The following CDC73 variants were observed in gnomAD, a reference collection of about 807,000 sequenced individuals.
The protein encoded by CDC73 is parafibromin.
In CDC73, 21 loss-of-function variants were observed where a neutral mutation model predicts 83.7. The ratio of observed to expected loss-of-function variants is 0.25; its 90% confidence interval spans 0.18 to 0.36. The LOEUF (loss-of-function observed/expected upper bound fraction) is 0.36. Ranked by LOEUF, CDC73 falls within the 10% of genes least tolerant of loss-of-function variation. The probability of loss-of-function intolerance (pLI) is 1.00; values close to 1 mark genes in which losing one functional copy is unlikely to be tolerated. For missense variants in CDC73, 342 were observed against 653.3 expected, an observed-to-expected ratio of 0.52 and a Z score of 5.19; for synonymous variants, 224 against 212.9, an observed-to-expected ratio of 1.05 and a Z score of -0.45.
chr1:193,215,530 T>C (rs1196706725), intron 13 of CDC73, among the ~76,000 whole-genome samples: 1 of 151,980 alleles, frequency 6.6e-6, no homozygotes, highest in African/African-American at 2.4e-5. Flanking sequence ...TTTATACAGT[T>C]ACATAGAAAT....
chr1:193,138,534 A>C (rs1675843441), intron 6 of CDC73, among the ~76,000 whole-genome samples: 1 of 152,176 alleles, frequency 6.6e-6, no homozygotes, highest in Admixed American at 6.5e-5. Flanking sequence ...TGGTCTCTTG[A>C]AACTACTGAA....
intron 10 of CDC73, among the ~76,000 whole-genome samples, chr1:193,199,607 A>G (rs1415083423): frequency 6.7e-6 from 1 of 150,348 alleles, no homozygotes; most frequent in African/African-American, 2.5e-5. Context: ...CAGCTACTTG[A>G]GTGGCTCAAG....
chr1:193,161,336 T>C (rs542941946), intron 10 of CDC73: 30 of 172,936 alleles, frequency 1.7e-4, no homozygotes, highest in Middle Eastern at 2.3e-3. Flanking sequence ...TGAAGACATA[T>C]TCACTTGAAA....
At chr1:193,138,625 A>G (rs1013611237) in intron 6 of CDC73, among the ~76,000 whole-genome samples, 14 of 151,908 alleles carry the variant, frequency 9.2e-5, no homozygotes, top group Non-Finnish European at 2.9e-5. Flanking sequence ...AAATGTTTTC[A>G]TTTTTCTGGA....
At chr1:193,210,347 G>A (rs1677255927) in intron 11 of CDC73, among the ~76,000 whole-genome samples, 1 of 152,026 alleles carries the variant, frequency 6.6e-6, no homozygotes, top group Admixed American at 6.5e-5. Flanking sequence ...TTTAAAGATG[G>A]TATCCATTTT....
chr1:193,190,131 C>T lies in CDC73; in HGVS notation c.973-13664C>T, dbSNP rs566635710. On this transcript the variant is annotated intron_variant, in intron 10 of 16. Coordinates refer to ENST00000367435, the MANE Select transcript of CDC73 (RefSeq NM_024529.5). ...TTCAGCTAGGACTTACCAGAAATAC[C>T]AGCTATTTTTTCCCATGTTGGACAA... is the stretch of plus-strand genomic sequence containing the variant. 1.6e-4 allele frequency among the ~76,000 whole-genome samples: 24 copies of T among 152,236 alleles called. 1 individual carries two copies. The South Asian group carries it at 4.8e-3, about 30-fold the overall frequency.
intron 13 of CDC73, among the ~76,000 whole-genome samples, chr1:193,223,029 T>G (rs1677499410): frequency 6.6e-6 from 1 of 152,154 alleles, no homozygotes; most frequent in Non-Finnish European, 1.5e-5. Context: ...ATTTCAGTTT[T>G]TATGGTTCTG....
At chr1:193,188,812 C>A (rs919991272) in intron 10 of CDC73, among the ~76,000 whole-genome samples, 2 of 152,010 alleles carry the variant, frequency 1.3e-5, no homozygotes, top group African/African-American at 4.8e-5. Context: ...GGGACCCCCC[C>A]GCCCCGAACT....
At chr1:193,180,993 C>T (rs1210749708) in intron 10 of CDC73, 1 of 1,613,552 alleles carries the variant, frequency 6.2e-7, no homozygotes, top group South Asian at 1.1e-5. Context: ...TTAAGCCCAA[C>T]AAAAATATTC....
At chr1:193,148,583 A>T (rs192439271) in intron 8 of CDC73, among the ~76,000 whole-genome samples, 18 of 151,542 alleles carry the variant, frequency 1.2e-4, no homozygotes, top group African/African-American at 4.4e-4. Flanking sequence ...TACAAATGAA[A>T]TTGTTTCTAT....
At chr1:193,167,165 A>T (rs1037114412) in intron 10 of CDC73, among the ~76,000 whole-genome samples, 4 of 152,198 alleles carry the variant, frequency 2.6e-5, no homozygotes, top group Non-Finnish European at 5.9e-5. Context: ...TAGATGGACT[A>T]AATTTGCCCA....
chr1:193,241,279 G>A (rs1254885532), intron 15 of CDC73, among the ~76,000 whole-genome samples: 1 of 152,202 alleles, frequency 6.6e-6, no homozygotes, highest in Non-Finnish European at 1.5e-5. Flanking sequence ...AGCGTCAGTG[G>A]TGTCTGTGGT....
intron 10 of CDC73, chr1:193,181,704 GT>G: frequency 1.3e-6 from 1 of 795,936 alleles, no homozygotes; most frequent in Non-Finnish European, 1.9e-6. Flanking sequence ...AAGCACAAAA[GT>G]TTACAGAACT....
At chr1:193,151,063 G>A (rs1209698659) in intron 9 of CDC73, among the ~76,000 whole-genome samples, 2 of 152,188 alleles carry the variant, frequency 1.3e-5, no homozygotes, top group African/African-American at 2.4e-5. Context: ...GATAGTCTAC[G>A]TGGTATTCTG....
chr1:193,248,657 G>A (rs1414804061), intron 15 of CDC73, among the ~76,000 whole-genome samples: 1 of 152,006 alleles, frequency 6.6e-6, no homozygotes, highest in East Asian at 1.9e-4. Flanking sequence ...ATAACCAGAA[G>A]TTTAGAAGAA....
intron 1 of CDC73, 154 bp downstream of exon 1, chr1:193,122,485 C>G: frequency 1.0e-6 from 1 of 973,900 alleles, no homozygotes; most frequent in Non-Finnish European, 1.6e-6. Flanking sequence ...AGAAGTTGCA[C>G]TTTTAGGGTA....
At chr1:193,132,979 G>A (rs919957903) in intron 3 of CDC73, among the ~76,000 whole-genome samples, 1 of 142,166 alleles carries the variant, frequency 7.0e-6, no homozygotes, top group Non-Finnish European at 1.5e-5. Flanking sequence ...TTGGCTCACT[G>A]CAAGCTCCGC....
intron 13 of CDC73, among the ~76,000 whole-genome samples, chr1:193,215,942 C>T (rs1456831144): frequency 6.6e-6 from 1 of 152,112 alleles, no homozygotes; most frequent in Admixed American, 6.5e-5. Flanking sequence ...ACCGGAATCC[C>T]TGGGACATAG....
rs1037572907 is a variant in CDC73 at position 193,203,809 on chromosome 1, C to T, written c.987C>T (p.Ala329=). The change falls in exon 11 of 17, where the codon GCC becomes GCT. Residue 329 remains alanine (A), a synonymous_variant. Transcript: ENST00000367435. ...TTCTTTTAAAGGAGGGTGCATCTGC[C>T]CGGAAGACTCAGACTCCTGCAGCCC... ...TLKSVTEGAS[A]RKTQTPAAQP... The T allele has an allele frequency of 3.7e-6, 6 of 1,613,010 alleles. No homozygotes were observed. Among genetic ancestry groups the T allele is most frequent in the South Asian group, 1.1e-5 (1 of 91,046 alleles).
Sources: gnomAD v4.1 joint callset for allele counts (sites outside exome capture counted in the v4.1 genomes callset) on GRCh38, gnomAD v4.1.1 for gene constraint, MANE v1.5 for transcripts, NCBI Gene and HGNC (gene_info 2026-07-23, HGNC 2026-07-21) for gene names.